Variants in THADA observed in about 807,000 individuals in gnomAD.
THADA encodes the protein THADA armadillo repeat containing.
THADA carries 213 observed loss-of-function variants against 219.8 expected under a neutral mutation model. The observed-to-expected ratio is 0.97, with a 90% CI of 0.87 to 1.09. The LOEUF is 1.09. THADA is among the 50% of genes least tolerant of loss of function. The probability of loss-of-function intolerance (pLI) is 0.00; values close to 1 mark genes in which losing one functional copy is unlikely to be tolerated. For missense variants in THADA, 2,956 were observed against 2,311.3 expected (o/e 1.28, Z -5.72); for synonymous variants, 1,018 against 828.9 (o/e 1.23, Z -3.92).
rs140777692 is a variant in THADA at position 43,253,086 on chromosome 2, G to T, written c.5297-20204C>A. Reference sequence around the variant, plus strand: ...AACTTCCGTCCCCCTCAAAGTCAAAGCTTCTCTAATGACTCTTTTGAAACA... The same window carrying T: ...AACTTCCGTCCCCCTCAAAGTCAAATCTTCTCTAATGACTCTTTTGAAACA... On this transcript the variant is annotated intron_variant, in intron 36 of 37. Transcript: ENST00000405975. Among the ~76,000 whole-genome samples, 29 of 152,310 alleles carry T rather than the reference G, an allele frequency of 1.9e-4. 1 individual carries two copies. Among genetic ancestry groups the T allele is most frequent in the African/African-American group, 6.7e-4 (28 of 41,560 alleles).
intron 36 of THADA, among the ~76,000 whole-genome samples, chr2:43,256,494 G>A (rs530672840): frequency 3.0e-4 from 46 of 151,832 alleles, no homozygotes; most frequent in African/African-American, 9.7e-4. Flanking sequence ...CTGCAGCCTC[G>A]ACCTCCTAGT....
At chr2:43,473,206 C>G (rs895210238) in intron 26 of THADA, among the ~76,000 whole-genome samples, 1 of 152,176 alleles carries the variant, frequency 6.6e-6, no homozygotes, top group African/African-American at 2.4e-5. Context: ...ACACATTATT[C>G]AGCTGTACAA....
chr2:43,369,286 C>T (rs186281320), intron 29 of THADA, among the ~76,000 whole-genome samples: 143 of 152,344 alleles, frequency 9.4e-4, no homozygotes, highest in Non-Finnish European at 1.7e-3. Flanking sequence ...CACTTCTCCA[C>T]ATGAATGACC....
rs764050821 is a variant in THADA at position 43,293,225 on chromosome 2, A to G, written c.4439-12T>C. On this transcript the variant is annotated splice_polypyrimidine_tract_variant and intron_variant, in intron 31 of 37. Coordinates refer to ENST00000405975, the MANE Select transcript of THADA (RefSeq NM_022065.5). The stretch of plus-strand genomic sequence containing the variant: ...AAGACTCTCCAGAACTAAGAAGCAA[A>G]AAAAGCAAAAGGGAAAGAGATAATC... The G allele has an allele frequency of 1.3e-5, 21 of 1,586,544 alleles. No individual in the cohort carries two copies. Among genetic ancestry groups the G allele is most frequent in the Non-Finnish European group, 1.6e-5 (19 of 1,166,004 alleles).
rs539389504 is a variant in THADA at position 43,333,559 on chromosome 2, C to A, written c.4343+10563G>T. On this transcript the variant is annotated intron_variant, in intron 30 of 37. Coordinates refer to ENST00000405975, the MANE Select transcript of THADA (RefSeq NM_022065.5). ...AAGGAAAGAAAGAAAGAAGAAAAAA[C>A]GAGAGAAAGAAAAGAAACAAACCAA... 1.2e-4 allele frequency among the ~76,000 whole-genome samples: 18 copies of A among 150,878 alleles called. No homozygotes were observed. The South Asian group carries it at 3.8e-3, about 32-fold the overall frequency.
At chr2:43,438,097 C>A (rs1382150986) in intron 26 of THADA, among the ~76,000 whole-genome samples, 1 of 151,846 alleles carries the variant, frequency 6.6e-6, no homozygotes. Context: ...GTCAGGAGAT[C>A]GAGACCATGC....
At chr2:43,260,468 C>A (rs987947812) in intron 36 of THADA, among the ~76,000 whole-genome samples, 6 of 152,020 alleles carry the variant, frequency 3.9e-5, no homozygotes, top group South Asian at 2.1e-4. Context: ...AACTTAATTG[C>A]CTAATATATT....
chr2:43,434,978 G>A (rs1405792240), intron 26 of THADA, among the ~76,000 whole-genome samples: 1 of 152,148 alleles, frequency 6.6e-6, no homozygotes, highest in Non-Finnish European at 1.5e-5. Context: ...CCCACAGCCT[G>A]CCTGTCTGTA....
chr2:43,505,615 T>G lies in THADA; in HGVS notation c.3621+7A>C, dbSNP rs771123263. The G allele has an allele frequency of 5.1e-6, 8 of 1,564,938 alleles. No individual in the cohort carries two copies. Among genetic ancestry groups the G allele is most frequent in the Non-Finnish European group, 7.0e-6 (8 of 1,147,546 alleles). On this transcript the variant is annotated splice_region_variant and intron_variant, in intron 24 of 37. Coordinates refer to ENST00000405975, the MANE Select transcript of THADA (RefSeq NM_022065.5). ...ACACTGGAGGGTTTGTGTATTTCCA[T>G]GATTACCTGGGGGACTGTACTCTGT...
chr2:43,527,598 T>TAAAA (rs142899117), intron 22 of THADA, among the ~76,000 whole-genome samples: 1 of 148,148 alleles, frequency 6.8e-6, no homozygotes, highest in African/African-American at 2.5e-5. Context: ...TTTCATTCAA[T>TAAAA]AAAAAAAAAA....
intron 36 of THADA, among the ~76,000 whole-genome samples, chr2:43,277,505 C>G (rs1672850566): frequency 6.6e-6 from 1 of 152,234 alleles, no homozygotes; most frequent in Non-Finnish European, 1.5e-5. Flanking sequence ...AGAGAGACCC[C>G]ACAGAATGCA....
intron 26 of THADA, among the ~76,000 whole-genome samples, chr2:43,464,272 T>C (rs768433264): frequency 2.6e-5 from 4 of 152,194 alleles, no homozygotes; most frequent in African/African-American, 4.8e-5. Context: ...TCTAAAACTT[T>C]TGCTTCTATC....
At chr2:43,500,206 G>C (rs1440924040) in intron 24 of THADA, among the ~76,000 whole-genome samples, 1 of 151,988 alleles carries the variant, frequency 6.6e-6, no homozygotes, top group East Asian at 1.9e-4. Context: ...TCAAAAAAAA[G>C]ATAAAACTAA....
intron 25 of THADA, among the ~76,000 whole-genome samples, chr2:43,487,945 C>T (rs961113363): frequency 1.3e-5 from 2 of 152,158 alleles, no homozygotes; most frequent in Non-Finnish European, 2.9e-5. Context: ...ATTACATTTT[C>T]CATTAGGTGC....
chr2:43,341,336 G>A (rs1667039572), intron 30 of THADA, among the ~76,000 whole-genome samples: 1 of 152,162 alleles, frequency 6.6e-6, no homozygotes, highest in Non-Finnish European at 1.5e-5. Flanking sequence ...AAATCATGGA[G>A]AAAAATCAGA....
At chr2:43,487,641 G>A (rs1460089061) in intron 25 of THADA, among the ~76,000 whole-genome samples, 1 of 152,160 alleles carries the variant, frequency 6.6e-6, no homozygotes, top group African/African-American at 2.4e-5. Flanking sequence ...GGTGGTGGAG[G>A]CCCTTGGGAA....
At chr2:43,360,840 G>C (rs1426381707) in intron 29 of THADA, among the ~76,000 whole-genome samples, 4 of 152,164 alleles carry the variant, frequency 2.6e-5, no homozygotes, top group Non-Finnish European at 5.9e-5. Flanking sequence ...TGGGACTGAG[G>C]ACAGTGGGAC....
rs201687277 is a variant in THADA, at chr2:43,577,198, G to A, written c.861C>T (p.Pro287=). ...TCCTGCAGCTGCTCATAAACCACTC[G>A]GGGACACTGGTGCAGTCCACTGAAC... The part of the protein sequence containing the change: ...LLRSVDCTSV[P]EWFMSSCRSL... The change falls in exon 10 of 38, where the codon CCC becomes CCT. Residue 287 remains proline, a synonymous_variant. Transcript: ENST00000405975. 1,023 of 1,602,542 alleles carry A rather than the reference G, an allele frequency of 6.4e-4. 1 individual carries two copies. Among genetic ancestry groups the A allele is most frequent in the Non-Finnish European group, 8.3e-4 (978 of 1,174,820 alleles).
intron 35 of THADA, among the ~76,000 whole-genome samples, chr2:43,281,564 C>T (rs1673366768): frequency 6.6e-6 from 1 of 151,586 alleles, no homozygotes; most frequent in Non-Finnish European, 1.5e-5. Context: ...GCCTGAGCCT[C>T]CCGGGTAGCT....
Sources: gnomAD v4.1 joint callset for allele counts (sites outside exome capture counted in the v4.1 genomes callset) on GRCh38, gnomAD v4.1.1 for gene constraint, MANE v1.5 for transcripts, NCBI Gene and HGNC (gene_info 2026-07-23, HGNC 2026-07-21) for gene names.